SPIDR: variants seen among roughly 807,000 people sequenced by gnomAD.
The protein encoded by SPIDR is DNA repair-scaffolding protein.
A neutral mutation model predicts 104.6 loss-of-function variants in SPIDR; 93 were observed. The observed-to-expected ratio is 0.89, with a 90% confidence interval of 0.75 to 1.06. The LOEUF (loss-of-function observed/expected upper bound fraction) is 1.06. SPIDR is among the 50% of genes least tolerant of loss of function. The pLI, the probability that SPIDR is intolerant of heterozygous loss-of-function variation, is 0.00. For synonymous variants in SPIDR, 431 were observed against 416.9 expected (o/e 1.03, Z -0.41); for missense variants, 1,154 against 1,111.2 (o/e 1.04, Z -0.55).
intron 11 of SPIDR, 129 bp from the exon 12 acceptor site, chr8:47,700,273 CG>C (rs1297881557): frequency 3.2e-6 from 3 of 928,960 alleles, no homozygotes; most frequent in Non-Finnish European, 5.3e-6. Context: ...CCCTCTGAAT[CG>C]CCACACATCT....
intron 8 of SPIDR, among the ~76,000 whole-genome samples, chr8:47,534,722 C>A (rs947026202): frequency 2.6e-5 from 4 of 152,040 alleles, no homozygotes; most frequent in Non-Finnish European, 4.4e-5. Context: ...ATACAAAAAA[C>A]CCCCATGACC....
At chr8:47,482,731 G>A (rs1490240772) in intron 8 of SPIDR, among the ~76,000 whole-genome samples, 1 of 152,214 alleles carries the variant, frequency 6.6e-6, no homozygotes, top group Non-Finnish European at 1.5e-5. Flanking sequence ...GGCAAGATAT[G>A]AGGGAGGAGG....
chr8:47,365,862 G>A (rs1356512217), intron 5 of SPIDR, among the ~76,000 whole-genome samples: 2 of 152,158 alleles, frequency 1.3e-5, no homozygotes, highest in African/African-American at 2.4e-5. Context: ...AGGACAGGAA[G>A]TGCAGATTGG....
intron 6 of SPIDR, among the ~76,000 whole-genome samples, chr8:47,400,736 T>A (rs199799514): frequency 6.6e-6 from 1 of 151,108 alleles, no homozygotes; most frequent in Non-Finnish European, 1.5e-5. Context: ...CAAACACCAA[T>A]GCAAAATTGT....
intron 14 of SPIDR, among the ~76,000 whole-genome samples, chr8:47,710,125 G>A (rs767994115): frequency 3.0e-4 from 46 of 152,014 alleles, no homozygotes; most frequent in Non-Finnish European, 5.7e-4. Context: ...TGATCCACCC[G>A]CCTTGGTCTC....
intron 5 of SPIDR, among the ~76,000 whole-genome samples, chr8:47,374,591 A>G (rs1554641133): frequency 6.6e-6 from 1 of 152,178 alleles, no homozygotes; most frequent in African/African-American, 2.4e-5. Flanking sequence ...TCAGAAGAGA[A>G]TATCTTCCTG....
intron 8 of SPIDR, among the ~76,000 whole-genome samples, chr8:47,501,288 T>C: frequency 1.3e-5 from 2 of 152,250 alleles, no homozygotes; most frequent in South Asian, 2.1e-4. Flanking sequence ...TGGAATGTTC[T>C]TCTGTTTGTT....
chr8:47,726,285 A>G (rs2084224730), intron 16 of SPIDR, among the ~76,000 whole-genome samples: 1 of 152,232 alleles, frequency 6.6e-6, no homozygotes. Flanking sequence ...ACTCATTCTC[A>G]TACTTCTGTT....
intron 8 of SPIDR, among the ~76,000 whole-genome samples, chr8:47,466,988 A>G (rs2074967851): frequency 6.6e-6 from 1 of 150,936 alleles, no homozygotes; most frequent in African/African-American, 2.4e-5. Flanking sequence ...AACAGAAGAA[A>G]AGAGAAGATC....
At position 47,279,850 on chromosome 8, in the gene SPIDR, TCATCTC is replaced by T; in HGVS notation, c.34-9_34-4del. Reference sequence around the variant, plus strand: ...TTTGTTTCGATTTTTCTTTTAAAAATCATCTCCACAGAGAAAAAGGAGTTGGAATAC... The same window carrying T: ...TTTGTTTCGATTTTTCTTTTAAAAATCACAGAGAAAAAGGAGTTGGAATAC... On this transcript the variant is annotated splice_region_variant and splice_polypyrimidine_tract_variant and intron_variant, in intron 1 of 19. Coordinates refer to ENST00000297423, the MANE Select transcript of SPIDR (RefSeq NM_001080394.4). The T allele has an allele frequency of 3.8e-6, 6 of 1,577,234 alleles. No homozygotes were observed. Among genetic ancestry groups the T allele is most frequent in the Non-Finnish European group, 5.2e-6 (6 of 1,162,278 alleles).
intron 8 of SPIDR, among the ~76,000 whole-genome samples, chr8:47,459,754 T>C (rs932643736): frequency 3.3e-5 from 5 of 152,140 alleles, no homozygotes; most frequent in African/African-American, 1.2e-4. Flanking sequence ...GTTTCAGACT[T>C]TTTGTTGTGG....
At chr8:47,300,083 G>C (rs1174785187) in intron 5 of SPIDR, among the ~76,000 whole-genome samples, 3 of 152,110 alleles carry the variant, frequency 2.0e-5, no homozygotes, top group East Asian at 3.8e-4. Flanking sequence ...TCTGGTCCTG[G>C]ACTTTTTTTG....
At chr8:47,678,704 G>A (rs1024578059) in intron 11 of SPIDR, among the ~76,000 whole-genome samples, 1 of 152,140 alleles carries the variant, frequency 6.6e-6, no homozygotes, top group African/African-American at 2.4e-5. Context: ...GGCCCACACA[G>A]CCATTTCATC....
At chr8:47,542,627 C>G (rs1202584445) in intron 8 of SPIDR, among the ~76,000 whole-genome samples, 1 of 152,014 alleles carries the variant, frequency 6.6e-6, no homozygotes, top group African/African-American at 2.4e-5. Flanking sequence ...TTTAATTAAA[C>G]TTTTTATTTT....
intron 16 of SPIDR, among the ~76,000 whole-genome samples, chr8:47,718,240 G>A (rs1481717563): frequency 2.0e-5 from 3 of 152,288 alleles, no homozygotes; most frequent in East Asian, 1.9e-4. Flanking sequence ...AGTCACATAC[G>A]GAGATCAAAC....
At chr8:47,660,612 G>T in intron 10 of SPIDR, 2 of 676,488 alleles carry the variant, frequency 3.0e-6, no homozygotes, top group Non-Finnish European at 3.7e-6. Context: ...TAGGGGCAGG[G>T]ACCCGCTGTA....
At chr8:47,385,937 CT>C (rs1183434783) in intron 5 of SPIDR, among the ~76,000 whole-genome samples, 1 of 152,044 alleles carries the variant, frequency 6.6e-6, no homozygotes, top group East Asian at 1.9e-4. Context: ...CTAGAAAAAC[CT>C]TTCTCCAGTT....
intron 10 of SPIDR, among the ~76,000 whole-genome samples, chr8:47,604,981 G>A (rs1050480527): frequency 6.6e-6 from 1 of 152,174 alleles, no homozygotes; most frequent in Non-Finnish European, 1.5e-5. Flanking sequence ...TTTGTTTATG[G>A]TGCCAAGCTC....
At chr8:47,713,743 T>C in intron 16 of SPIDR, 102 bp downstream of exon 16, 1 of 1,462,560 alleles carries the variant, frequency 6.8e-7, no homozygotes, top group East Asian at 2.4e-5. Context: ...GAGCACCCGC[T>C]AAGTTCCAGA....
Sources: allele counts gnomAD v4.1 joint callset (sites outside exome capture counted in the v4.1 genomes callset), GRCh38; gene constraint gnomAD v4.1.1; transcripts MANE v1.5; gene names NCBI Gene and HGNC (gene_info 2026-07-23, HGNC 2026-07-21).